The following SLC6A4 variants were observed in gnomAD, a reference collection of about 807,000 sequenced individuals.
SLC6A4 encodes the protein sodium-dependent serotonin transporter.
Under a neutral mutation model 73.4 loss-of-function variants are expected in SLC6A4, and 22 were observed. The ratio of observed to expected loss-of-function variants is 0.30; its 90% CI spans 0.21 to 0.43. The LOEUF (loss-of-function observed/expected upper bound fraction) is 0.43, where lower values mean the gene tolerates loss of function less well. Among genes scored for constraint, SLC6A4 ranks in the 20% least tolerant of loss-of-function variants. The pLI, the probability that SLC6A4 is intolerant of heterozygous loss-of-function variation, is 1.00. For missense variants in SLC6A4, 593 were observed against 808.5 expected, an observed-to-expected ratio of 0.73 and a Z score of 3.23; for synonymous variants, 270 against 315.5, an observed-to-expected ratio of 0.86 and a Z score of 1.53.
In SLC6A4 at chr17:30,198,177, T is replaced by C. The variant is rs1002467247; in HGVS notation, c.*279A>G. ...TTCTAAACCTAATCCTAACTGATGA[T>C]AGGGTGGTTTTCATCACCTCCATCC... On this transcript the variant is annotated 3_prime_UTR_variant, in exon 15 of 15. Coordinates refer to ENST00000650711, the MANE Select transcript of SLC6A4 (RefSeq NM_001045.6). 5.5e-6 allele frequency: 2 copies of C among 364,566 alleles called. No homozygotes were observed. The highest frequency in any genetic ancestry group is 2.1e-5 in the African/African-American group (1 of 47,870). 22.6% of individuals were successfully genotyped at this position (364,566 alleles called of 1,614,324 possible).
At chr17:30,207,076 T>C (rs921309442) in intron 13 of SLC6A4, among the ~76,000 whole-genome samples, 3 of 152,164 alleles carry the variant, frequency 2.0e-5, no homozygotes, top group Non-Finnish European at 2.9e-5. Context: ...TGAGGATTTA[T>C]AGAAAAGTGA....
At chr17:30,217,984 T>A (rs1906633728) in intron 5 of SLC6A4, 134 bp downstream of exon 5, 1 of 677,188 alleles carries the variant, frequency 1.5e-6, no homozygotes, top group Admixed American at 2.6e-5. Context: ...CAAATTCTGC[T>A]ACTCCCACCC....
rs776642079 is a variant in SLC6A4, at chr17:30,207,827, T to C, written c.1555A>G (p.Thr519Ala). The change falls in exon 13 of 15, where the codon ACT (threonine) becomes GCT (alanine). Residue 519 changes from threonine (T) to alanine (A), a missense_variant. Coordinates refer to ENST00000650711, the MANE Select transcript of SLC6A4 (RefSeq NM_001045.6). ...AVAVSWFYGI[T>A]QFCRDVKEML... is the part of the protein sequence containing the mutation. ...TCCTTCACGTCCCTGCAGAACTGAGTGATGCCTGGAACCGCCCAAGGGGAA... is the reference window on the plus strand; with the variant it reads ...TCCTTCACGTCCCTGCAGAACTGAGCGATGCCTGGAACCGCCCAAGGGGAA... 1 of 1,613,368 alleles carries C rather than the reference T, an allele frequency of 6.2e-7. No individual in the cohort carries two copies. The highest frequency in any genetic ancestry group is 8.5e-7 in the Non-Finnish European group (1 of 1,179,582).
At chr17:30,230,832 A>G (rs973109456) in intron 1 of SLC6A4, among the ~76,000 whole-genome samples, 2 of 152,146 alleles carry the variant, frequency 1.3e-5, no homozygotes, top group African/African-American at 2.4e-5. Flanking sequence ...TTCAGCCACA[A>G]GGTGTTTGGA....
chr17:30,216,836 TG>T (rs933291083), intron 6 of SLC6A4, among the ~76,000 whole-genome samples: 1 of 134,168 alleles, frequency 7.5e-6, no homozygotes, highest in African/African-American at 2.7e-5. Context: ...ACCTGGCTAT[TG>T]TTTTTTTTTG....
At chr17:30,221,416 TCACA>T (rs879476012) in intron 3 of SLC6A4, among the ~76,000 whole-genome samples, 196 bp downstream of exon 3, 1,427 of 100,938 alleles carry the variant, frequency 0.014, 26 homozygotes, top group Non-Finnish European at 0.025. Flanking sequence ...CCCACCCGGG[TCACA>T]GCCCACCCCA....
intron 1 of SLC6A4, among the ~76,000 whole-genome samples, chr17:30,229,370 G>A (rs972241542): frequency 3.6e-4 from 54 of 152,032 alleles, no homozygotes; most frequent in African/African-American, 1.3e-3. Flanking sequence ...AGAACACAGC[G>A]TTGTTAAGTG....
chr17:30,209,090 T>C (rs1028345900), intron 12 of SLC6A4, 53 bp downstream of exon 12: 1 of 1,265,234 alleles, frequency 7.9e-7, no homozygotes, highest in Non-Finnish European at 1.1e-6. Context: ...CCTTTGCTAC[T>C]GTGCTGGCTG....
chr17:30,198,475 A>G lies in SLC6A4; in HGVS notation c.1874T>C (p.Ile625Thr), dbSNP rs762095684. 2.5e-6 allele frequency: 4 copies of G among 1,605,712 alleles called. No homozygotes were observed. The highest frequency in any genetic ancestry group is 3.4e-6 in the Non-Finnish European group (4 of 1,172,676). ...AGTGTGTTACACAGCATTCAAGCGG[A>G]TGTCCCCACAAGGAATTTCTGTTGG... ...ETPTEIPCGD[I>T]RLNAV is the part of the protein sequence containing the mutation. Residue 625 changes from isoleucine (I) to threonine (T), a missense_variant, in exon 15 of 15, where the codon ATC (isoleucine) becomes ACC (threonine). Physicochemically the swap from Ile to Thr is moderately conservative, Grantham distance 89. Transcript: ENST00000650711.
At chr17:30,227,662 T>C (rs1032737570) in intron 1 of SLC6A4, among the ~76,000 whole-genome samples, 7 of 152,136 alleles carry the variant, frequency 4.6e-5, no homozygotes, top group Non-Finnish European at 1.0e-4. Context: ...ATTTTTTGTA[T>C]TTTTTTCAGA....
intron 1 of SLC6A4, among the ~76,000 whole-genome samples, chr17:30,224,170 G>A (rs544066996): frequency 2.0e-5 from 3 of 151,908 alleles, no homozygotes; most frequent in Non-Finnish European, 2.9e-5. Context: ...GGAGGGCACC[G>A]AGTTGACAGA....
intron 14 of SLC6A4, 76 bp from the exon 15 acceptor site, chr17:30,198,606 TAAAAC>T: frequency 5.0e-6 from 4 of 795,666 alleles, no homozygotes; most frequent in South Asian, 1.5e-5. Flanking sequence ...ACATTAATAT[TAAAAC>T]AAAGCTTAAA....
intron 12 of SLC6A4, 86 bp from the exon 13 acceptor site, chr17:30,207,918 A>G: frequency 1.0e-6 from 1 of 967,280 alleles, no homozygotes; most frequent in Non-Finnish European, 1.6e-6. Context: ...GGAGAGTCAG[A>G]GTCACAGGAT....
intron 12 of SLC6A4, 131 bp downstream of exon 12, chr17:30,209,012 T>C (rs1906297906): frequency 1.6e-6 from 1 of 624,314 alleles, no homozygotes; most frequent in African/African-American, 1.9e-5. Flanking sequence ...GAGACTCTTT[T>C]ACAGACCCAT....
intron 2 of SLC6A4, 41 bp from the exon 3 acceptor site, chr17:30,222,122 C>T (rs1329671937): frequency 9.0e-6 from 12 of 1,328,242 alleles, no homozygotes; most frequent in South Asian, 5.5e-5. Flanking sequence ...AAAAGTTAGA[C>T]ATTTTACTCA....
chr17:30,222,381 T>A (rs972722879), intron 2 of SLC6A4, among the ~76,000 whole-genome samples: 5 of 152,202 alleles, frequency 3.3e-5, no homozygotes, highest in African/African-American at 1.2e-4. Flanking sequence ...TCGCTTCCCT[T>A]TGAGCCACTG....
chr17:30,234,936 C>A (rs764183513), intron 1 of SLC6A4, among the ~76,000 whole-genome samples: 4 of 152,126 alleles, frequency 2.6e-5, no homozygotes, highest in Non-Finnish European at 5.9e-5. Context: ...CTCCAGAGAG[C>A]TTTTTTTCAA....
In SLC6A4 at chr17:30,222,912, A is replaced by G. The variant is rs559187535; in HGVS notation, c.-217T>C. 1 of 1,079,534 alleles carries G rather than the reference A, an allele frequency of 9.3e-7. No individual in the cohort carries two copies. Among genetic ancestry groups the G allele is most frequent in the Non-Finnish European group, 1.3e-6 (1 of 785,760 alleles). The allele number at this position is 1,079,534 out of a possible 1,614,324, so 66.9% of individuals were successfully genotyped here. ...CAAGCAAGGTCGCCTTGCCTCCAGG[A>G]GACCTAGGGAGAAGAGTGTGCAGGT... is the stretch of plus-strand genomic sequence containing the variant. On this transcript the variant is annotated 5_prime_UTR_variant, in exon 2 of 15. Transcript: ENST00000650711.
intron 3 of SLC6A4, among the ~76,000 whole-genome samples, chr17:30,219,988 A>T (rs1391025081): frequency 2.0e-5 from 3 of 152,190 alleles, no homozygotes; most frequent in Admixed American, 6.5e-5. Flanking sequence ...TGTCGGGGAA[A>T]TGTCACCAGT....
Sources: gnomAD v4.1 joint callset for allele counts (sites outside exome capture counted in the v4.1 genomes callset) on GRCh38, gnomAD v4.1.1 for gene constraint, MANE v1.5 for transcripts, NCBI Gene and HGNC (gene_info 2026-07-23, HGNC 2026-07-21) for gene names.